PALM2AKAP2: variants seen among roughly 807,000 people sequenced by gnomAD.
The protein encoded by PALM2AKAP2 is PALM2-AKAP2 fusion protein.
In PALM2AKAP2, 37 loss-of-function variants were observed where a neutral mutation model predicts 71.5. The observed-to-expected ratio is 0.52, with a 90% CI of 0.40 to 0.68. The LOEUF (loss-of-function observed/expected upper bound fraction) is 0.68, where lower values mean the gene tolerates loss of function less well. Among genes scored for constraint, PALM2AKAP2 ranks in the 30% least tolerant of loss-of-function variants. The probability of loss-of-function intolerance (pLI) is 0.00; values close to 1 mark genes in which losing one functional copy is unlikely to be tolerated. For missense variants in PALM2AKAP2, 1,224 were observed against 1,191.8 expected (o/e 1.03, Z -0.40); for synonymous variants, 468 against 478.8 (o/e 0.98, Z 0.29).
chr9:110,013,248 C>G (rs1333692180), intron 6 of PALM2AKAP2, among the ~76,000 whole-genome samples: 1 of 152,170 alleles, frequency 6.6e-6, no homozygotes, highest in Non-Finnish European at 1.5e-5. Flanking sequence ...CTCTAACATC[C>G]CTTTGGCCAA....
intron 6 of PALM2AKAP2, among the ~76,000 whole-genome samples, chr9:109,996,637 A>G (rs1212280394): frequency 6.6e-6 from 1 of 152,206 alleles, no homozygotes; most frequent in Non-Finnish European, 1.5e-5. Flanking sequence ...GGGTGTTGAA[A>G]CACCCAGTTT....
intron 1 of PALM2AKAP2, among the ~76,000 whole-genome samples, chr9:109,787,273 G>A (rs921777673): frequency 3.3e-5 from 5 of 152,186 alleles, no homozygotes; most frequent in African/African-American, 1.2e-4. Context: ...GGTTTCTTGG[G>A]AAATGCTCAG....
chr9:109,784,634 C>G (rs367808942), intron 1 of PALM2AKAP2, among the ~76,000 whole-genome samples: 1 of 152,232 alleles, frequency 6.6e-6, no homozygotes, highest in African/African-American at 2.4e-5. Flanking sequence ...GTAGGCACTA[C>G]AGTATTACTC....
At chr9:110,006,073 G>A (rs962020952) in intron 6 of PALM2AKAP2, among the ~76,000 whole-genome samples, 6 of 152,138 alleles carry the variant, frequency 3.9e-5, no homozygotes, top group Non-Finnish European at 8.8e-5. Flanking sequence ...GATTAACCCA[G>A]TACCTCAGTT....
At chr9:109,704,765 A>T (rs1042931183) in intron 1 of PALM2AKAP2, among the ~76,000 whole-genome samples, 4 of 152,162 alleles carry the variant, frequency 2.6e-5, no homozygotes, top group African/African-American at 9.7e-5. Context: ...ACAACATAAA[A>T]CAATAAATAC....
rs141667081 is a variant in PALM2AKAP2 at position 109,970,299 on chromosome 9, G to C, written c.496+38271G>C. ...TAGATTCAATAAATTGTTATTAAGG[G>C]TTCTAAACATATTCTTTCCATTTCT... On this transcript the variant is annotated intron_variant, in intron 6 of 9. Coordinates refer to the PALM2AKAP2 transcript ENST00000302798. 3.2e-3 allele frequency among the ~76,000 whole-genome samples: 492 copies of C among 152,238 alleles called. 1 individual carries two copies. The highest frequency in any genetic ancestry group is 0.011 in the East Asian group (56 of 5,180).
chr9:109,873,605 A>G (rs902046315), intron 2 of PALM2AKAP2, among the ~76,000 whole-genome samples: 4 of 152,250 alleles, frequency 2.6e-5, no homozygotes, highest in Admixed American at 6.5e-5. Context: ...TCATGAAAGT[A>G]CACAAAGGAA....
intron 6 of PALM2AKAP2, among the ~76,000 whole-genome samples, chr9:110,013,284 A>T (rs1360327030): frequency 6.6e-6 from 1 of 152,220 alleles, no homozygotes; most frequent in Non-Finnish European, 1.5e-5. Context: ...GACAGGGAAG[A>T]TCATTTCTCC....
intron 2 of PALM2AKAP2, among the ~76,000 whole-genome samples, chr9:110,145,999 C>T (rs539412164): frequency 2.0e-5 from 3 of 148,704 alleles, no homozygotes; most frequent in Admixed American, 1.4e-4. Context: ...CCCAGGTTCA[C>T]GCCATTCTCC....
At chr9:109,976,285 AT>A (rs1319440670) in intron 6 of PALM2AKAP2, among the ~76,000 whole-genome samples, 1 of 152,340 alleles carries the variant, frequency 6.6e-6, no homozygotes. Context: ...ACCTCACTTA[AT>A]CCCCACAACA....
intron 3 of PALM2AKAP2, among the ~76,000 whole-genome samples, chr9:110,159,186 C>T (rs1435276581): frequency 6.6e-6 from 1 of 152,158 alleles, no homozygotes; most frequent in Non-Finnish European, 1.5e-5. Context: ...TCCGTAGAAG[C>T]ATAAAGTTAA....
chr9:109,875,145 G>A (rs1469770598), intron 2 of PALM2AKAP2, among the ~76,000 whole-genome samples: 3 of 152,238 alleles, frequency 2.0e-5, no homozygotes, highest in Middle Eastern at 3.4e-3. Flanking sequence ...CAGCCACTCG[G>A]GCATTTGTTC....
chr9:109,691,509 C>A (rs2118548182), intron 1 of PALM2AKAP2, among the ~76,000 whole-genome samples: 1 of 151,998 alleles, frequency 6.6e-6, no homozygotes, highest in South Asian at 2.1e-4. Flanking sequence ...GGGATGCTCC[C>A]AAATGCTAAG....
intron 3 of PALM2AKAP2, among the ~76,000 whole-genome samples, chr9:109,913,307 T>C (rs562367279): frequency 6.6e-6 from 1 of 152,352 alleles, no homozygotes; most frequent in South Asian, 2.1e-4. Flanking sequence ...TACTTAGGCA[T>C]GTCTTGGCTC....
At chr9:109,842,378 C>T (rs943353685) in intron 1 of PALM2AKAP2, among the ~76,000 whole-genome samples, 1 of 152,140 alleles carries the variant, frequency 6.6e-6, no homozygotes, top group African/African-American at 2.4e-5. Flanking sequence ...ACTTTGCAAA[C>T]GGGAAGGGGT....
At chr9:110,006,131 A>C (rs140916702) in intron 6 of PALM2AKAP2, among the ~76,000 whole-genome samples, 1 of 152,058 alleles carries the variant, frequency 6.6e-6, no homozygotes, top group South Asian at 2.1e-4. Flanking sequence ...GCTGGGAGCT[A>C]TAGACTGGAG....
chr9:109,773,215 A>G (rs1194419154), intron 1 of PALM2AKAP2, among the ~76,000 whole-genome samples: 1 of 152,092 alleles, frequency 6.6e-6, no homozygotes, highest in South Asian at 2.1e-4. Flanking sequence ...GATTCACTGC[A>G]GCCTCGACCT....
At chr9:109,774,041 C>T (rs762709033) in intron 1 of PALM2AKAP2, among the ~76,000 whole-genome samples, 1 of 152,224 alleles carries the variant, frequency 6.6e-6, no homozygotes, top group Non-Finnish European at 1.5e-5. Context: ...GCCACCATCC[C>T]TCCACTGCCA....
intron 6 of PALM2AKAP2, among the ~76,000 whole-genome samples, chr9:109,965,731 A>G (rs1831933114): frequency 6.6e-6 from 1 of 152,210 alleles, no homozygotes; most frequent in African/African-American, 2.4e-5. Context: ...GGTATTATGT[A>G]TGTTTTACCA....
Sources: gnomAD v4.1 joint callset for allele counts (sites outside exome capture counted in the v4.1 genomes callset) on GRCh38, gnomAD v4.1.1 for gene constraint, MANE v1.5 for transcripts, NCBI Gene and HGNC (gene_info 2026-07-23, HGNC 2026-07-21) for gene names.